The following LRMDA variants were observed in gnomAD, a reference collection of about 807,000 sequenced individuals.
The protein encoded by LRMDA is leucine-rich melanocyte differentiation-associated protein.
In LRMDA, 18 loss-of-function variants were observed where a neutral mutation model predicts 29.8. That is an observed-to-expected ratio of 0.60 (90% CI 0.42 to 0.90). The LOEUF is 0.90. Among genes scored for constraint, LRMDA ranks in the 40% least tolerant of loss-of-function variants. The pLI is 0.00. For missense variants in LRMDA, 273 were observed against 273.9 expected (o/e 1.00, Z 0.02); for synonymous variants, 125 against 109.4 (o/e 1.14, Z -0.89).
chr10:76,368,830 A>G (rs1010296839), intron 6 of LRMDA, among the ~76,000 whole-genome samples: 1 of 152,128 alleles, frequency 6.6e-6, no homozygotes, highest in Non-Finnish European at 1.5e-5. Context: ...TTCCTGTTGG[A>G]CAAGGTCTTT....
intron 2 of LRMDA, among the ~76,000 whole-genome samples, chr10:75,780,588 A>G (rs978877416): frequency 6.6e-6 from 1 of 152,194 alleles, no homozygotes; most frequent in African/African-American, 2.4e-5. Context: ...ATCAGAGTCC[A>G]TAGAAATGCA....
At chr10:75,495,307 T>C (rs1159267671) in intron 2 of LRMDA, among the ~76,000 whole-genome samples, 1 of 152,060 alleles carries the variant, frequency 6.6e-6, no homozygotes, top group African/African-American at 2.4e-5. Context: ...CCTAGTTCTA[T>C]ATATTTCTCA....
intron 5 of LRMDA, among the ~76,000 whole-genome samples, chr10:76,272,228 A>G (rs1440024790): frequency 6.6e-6 from 1 of 152,194 alleles, no homozygotes; most frequent in Non-Finnish European, 1.5e-5. Flanking sequence ...TCCTGGGGGA[A>G]GAGGGTTACA....
intron 6 of LRMDA, among the ~76,000 whole-genome samples, chr10:76,464,047 G>C (rs2132310945): frequency 6.6e-6 from 1 of 150,560 alleles, no homozygotes; most frequent in African/African-American, 2.4e-5. Context: ...AGCCTCCTGA[G>C]TAGCTGGGAT....
chr10:75,550,967 C>CT (rs146569511), intron 2 of LRMDA, among the ~76,000 whole-genome samples: 4,283 of 151,858 alleles, frequency 0.028, 224 homozygotes, highest in African/African-American at 0.098. Flanking sequence ...GTTCTATTGT[C>CT]TACATTTTAC....
At chr10:76,218,477 A>C (rs1370532510) in intron 5 of LRMDA, among the ~76,000 whole-genome samples, 1 of 152,192 alleles carries the variant, frequency 6.6e-6, no homozygotes, top group African/African-American at 2.4e-5. Context: ...AAAACATGTT[A>C]AGTAAGAAAT....
At chr10:76,553,703 T>G (rs1843522016) in intron 6 of LRMDA, among the ~76,000 whole-genome samples, 1 of 152,162 alleles carries the variant, frequency 6.6e-6, no homozygotes, top group African/African-American at 2.4e-5. Context: ...AAAAGTCACA[T>G]ATTGGGGGTA....
chr10:75,729,123 C>G (rs953802967), intron 2 of LRMDA, among the ~76,000 whole-genome samples: 2 of 152,202 alleles, frequency 1.3e-5, no homozygotes, highest in African/African-American at 4.8e-5. Flanking sequence ...TATAACAACT[C>G]ATGCAGTCGT....
chr10:75,605,727 C>T (rs1344964549), intron 2 of LRMDA, among the ~76,000 whole-genome samples: 1 of 152,200 alleles, frequency 6.6e-6, no homozygotes, highest in Non-Finnish European at 1.5e-5. Context: ...CATGGTGAAG[C>T]TGGGACAGAA....
At chr10:76,088,054 A>G (rs1351839337) in intron 5 of LRMDA, among the ~76,000 whole-genome samples, 1 of 152,202 alleles carries the variant, frequency 6.6e-6, no homozygotes, top group Non-Finnish European at 1.5e-5. Flanking sequence ...CGGGAGGTTG[A>G]GGCTACAGTG....
At chr10:76,490,958 T>C (rs1842828241) in intron 6 of LRMDA, among the ~76,000 whole-genome samples, 1 of 151,912 alleles carries the variant, frequency 6.6e-6, no homozygotes. Context: ...TATTTGAGGT[T>C]ACAAATAATA....
chr10:76,363,267 G>GA lies in LRMDA; in HGVS notation c.601+38784dup, dbSNP rs1488412189. ...AGAAAGAAAGAAAGAAGGAAGGAAG[G>GA]AAGGAAGGAAAGGAAGGAAGGAAGG... On this transcript the variant is annotated intron_variant, in intron 6 of 6. Transcript: ENST00000611255. Among the ~76,000 whole-genome samples the GA allele has an allele frequency of 8.0e-4, 24 of 29,894 alleles. 3 individuals are homozygous for GA. Among genetic ancestry groups the GA allele is most frequent in the South Asian group, 1.7e-3 (3 of 1,738 alleles). 19.6% of individuals were successfully genotyped at this position (29,894 alleles called of 152,430 possible).
chr10:76,056,783 G>C (rs1848622523), intron 4 of LRMDA, among the ~76,000 whole-genome samples: 1 of 152,132 alleles, frequency 6.6e-6, no homozygotes, highest in Admixed American at 6.5e-5. Flanking sequence ...GGCTTCCCAA[G>C]CCCCCAAGAG....
chr10:75,446,404 A>C (rs913225735), intron 2 of LRMDA, among the ~76,000 whole-genome samples: 2 of 152,356 alleles, frequency 1.3e-5, no homozygotes, highest in Admixed American at 1.3e-4. Context: ...TTGACCCTCC[A>C]TGAGGGCCAT....
At chr10:76,015,144 G>A (rs923230107) in intron 2 of LRMDA, among the ~76,000 whole-genome samples, 4 of 152,326 alleles carry the variant, frequency 2.6e-5, no homozygotes, top group East Asian at 1.9e-4. Context: ...TAGATGCCCC[G>A]GCACTTTGCC....
chr10:76,083,400 C>T (rs147804885), intron 5 of LRMDA, among the ~76,000 whole-genome samples: 1 of 152,322 alleles, frequency 6.6e-6, no homozygotes, highest in African/African-American at 2.4e-5. Context: ...CCAGATGCTT[C>T]CATGTGGGGC....
At chr10:75,822,737 T>G (rs1455671438) in intron 2 of LRMDA, among the ~76,000 whole-genome samples, 1 of 152,154 alleles carries the variant, frequency 6.6e-6, no homozygotes, top group Non-Finnish European at 1.5e-5. Flanking sequence ...TATAATTTTT[T>G]TTTTCAGAGA....
At chr10:76,163,097 A>G (rs753077710) in intron 5 of LRMDA, among the ~76,000 whole-genome samples, 27 of 152,236 alleles carry the variant, frequency 1.8e-4, no homozygotes, top group Non-Finnish European at 3.1e-4. Context: ...CAATAGTGAC[A>G]TTATTGGAAC....
chr10:76,289,221 C>T (rs748419316), intron 5 of LRMDA, among the ~76,000 whole-genome samples: 27 of 152,024 alleles, frequency 1.8e-4, no homozygotes, highest in Non-Finnish European at 1.5e-4. Context: ...GGGGGAAATT[C>T]GGAGAAAAGA....
Sources: gnomAD v4.1 joint callset for allele counts (sites outside exome capture counted in the v4.1 genomes callset) on GRCh38, gnomAD v4.1.1 for gene constraint, MANE v1.5 for transcripts, NCBI Gene and HGNC (gene_info 2026-07-23, HGNC 2026-07-21) for gene names.